ANGPTL3: variants seen among roughly 807,000 people sequenced by gnomAD.
The protein encoded by ANGPTL3 is angiopoietin-related protein 3.
Under a neutral mutation model 52.7 loss-of-function variants are expected in ANGPTL3, and 51 were observed. That is an observed-to-expected ratio of 0.97 (90% CI 0.77 to 1.22). The LOEUF is 1.22. Ranked by LOEUF, ANGPTL3 falls within the 50% of genes most tolerant of loss-of-function variation. The pLI is 0.00. For synonymous variants in ANGPTL3, 185 were observed against 179.8 expected, an observed-to-expected ratio of 1.03 and a Z score of -0.23; for missense variants, 506 against 520.7, an observed-to-expected ratio of 0.97 and a Z score of 0.27.
At chr1:62,598,871 A>C (rs1184316977) in intron 2 of ANGPTL3, 65 bp downstream of exon 2, 1 of 966,710 alleles carries the variant, frequency 1.0e-6, no homozygotes, top group African/African-American at 1.6e-5. Context: ...CTGAATCCTA[A>C]AATTATTTAC....
intron 3 of ANGPTL3, 72 bp downstream of exon 3, chr1:62,601,268 G>C: frequency 9.4e-7 from 1 of 1,066,240 alleles, no homozygotes; most frequent in Non-Finnish European, 1.4e-6. Flanking sequence ...ACTTGTTCTA[G>C]ACTAAAAGAT....
chr1:62,598,617 A>C, intron 1 of ANGPTL3, 79 bp from the exon 2 acceptor site: 1 of 776,880 alleles, frequency 1.3e-6, no homozygotes, highest in South Asian at 1.5e-5. Context: ...TTAAAAATTT[A>C]GATTATGATA....
rs1650549672 is a variant in ANGPTL3, at chr1:62,604,005, T to C, written c.968T>C (p.Ile323Thr). Residue 323 changes from isoleucine to threonine, a missense_variant, in exon 6 of 7, where the codon ATA (isoleucine) becomes ACA (threonine). Physicochemically the swap from Ile to Thr is moderately conservative, Grantham distance 89 (BLOSUM62 -1). Coordinates refer to ENST00000371129, the MANE Select transcript of ANGPTL3 (RefSeq NM_014495.4). ...FWLGLEKIYSIVKQSNYVLRI... is the reference protein window; with the variant it reads ...FWLGLEKIYSTVKQSNYVLRI... ...TTGGGCCTAGAGAAGATATACTCCA[T>C]AGTGAAGCAATCTAATTATGTTTTA... The C allele has an allele frequency of 3.7e-6, 6 of 1,612,944 alleles. No individual in the cohort carries two copies. In the African/African-American group the frequency reaches 6.7e-5, roughly 18 times the overall value.
chr1:62,599,288 C>CA (rs1398721747), intron 2 of ANGPTL3, among the ~76,000 whole-genome samples: 4 of 152,020 alleles, frequency 2.6e-5, no homozygotes, highest in Non-Finnish European at 5.9e-5. Flanking sequence ...TCAAACACAT[C>CA]AAACATACTG....
In ANGPTL3 at chr1:62,597,684, T is replaced by C. The variant is rs2149525287; in HGVS notation, c.118T>C (p.Leu40=). 4.3e-6 allele frequency: 7 copies of C among 1,613,570 alleles called. No homozygotes were observed. Among genetic ancestry groups the C allele is most frequent in the East Asian group, 2.2e-5 (1 of 44,834 alleles). ...SPEPKSRFAM[L]DDVKILANGL... ...AGAGCCAAAATCAAGATTTGCTATG[T>C]TAGACGATGTAAAAATTTTAGCCAA... is the stretch of plus-strand genomic sequence containing the variant. The change falls in exon 1 of 7, where the codon TTA becomes CTA. Residue 40 remains leucine (L), a synonymous_variant. Transcript: ENST00000371129.
Position 62,598,769 on chromosome 1 carries a change from A to T in ANGPTL3, c.569A>T (p.Asn190Ile). ...GTGGAAGACCAATATAAACAATTAAACCAACAGCATAGTCAAATAAAAGAA... is the reference window on the plus strand; with the variant it reads ...GTGGAAGACCAATATAAACAATTAATCCAACAGCATAGTCAAATAAAAGAA... ...QTVEDQYKQL[N>I]QQHSQIKEIE... is the part of the protein sequence containing the mutation. The change falls in exon 2 of 7, where the codon AAC becomes ATC. Residue 190 changes from asparagine (N) to isoleucine (I), a missense_variant. Physicochemically the swap from Asn to Ile is moderately radical, Grantham distance 149 (BLOSUM62 -3). Coordinates refer to ENST00000371129, the MANE Select transcript of ANGPTL3 (RefSeq NM_014495.4). 4.3e-6 allele frequency: 7 copies of T among 1,609,498 alleles called. No homozygotes were observed. Among genetic ancestry groups the T allele is most frequent in the Non-Finnish European group, 6.0e-6 (7 of 1,176,294 alleles).
At chr1:62,599,297 T>G (rs1649759807) in intron 2 of ANGPTL3, among the ~76,000 whole-genome samples, 1 of 152,028 alleles carries the variant, frequency 6.6e-6, no homozygotes, top group Admixed American at 6.6e-5. Context: ...TCAAACATAC[T>G]GCCACCTCAA....
chr1:62,601,826 ATGCC>A lies in ANGPTL3; in HGVS notation c.780_783del (p.Tyr260Ter), dbSNP rs1650166457. On this transcript the variant is annotated frameshift_variant, in exon 4 of 7. Transcript: ENST00000371129. LOFTEE classifies it high-confidence loss of function. The stretch of plus-strand genomic sequence containing the variant: ...AGAGGTGAACATACAAGTGGCATGT[ATGCC>A]ATCAGACCCAGCAACTCTCAAGTTT... The A allele has an allele frequency of 6.2e-7, 1 of 1,610,328 alleles. No homozygotes were observed. Among genetic ancestry groups the A allele is most frequent in the African/African-American group, 1.3e-5 (1 of 74,772 alleles).
rs398122988 is a variant in ANGPTL3 at position 62,597,921 on chromosome 1, GAACTC to G, written c.363_367del (p.Asn121LysfsTer3). ...TGAAGAGGTAAAGAATATGTCACTTGAACTCAACTCAAAACTTGAAAGCCTCCTAG... is the reference window on the plus strand; with the variant it reads ...TGAAGAGGTAAAGAATATGTCACTTGAACTCAAAACTTGAAAGCCTCCTAG... On this transcript the variant is annotated frameshift_variant, in exon 1 of 7. Transcript: ENST00000371129. LOFTEE classifies it high-confidence loss of function. 4.3e-4 allele frequency: 675 copies of G among 1,552,802 alleles called. No homozygotes were observed. The highest frequency in any genetic ancestry group is 5.4e-4 in the Non-Finnish European group (625 of 1,157,050).
At chr1:62,602,624 C>A (rs569040007) in intron 5 of ANGPTL3, among the ~76,000 whole-genome samples, 210 of 151,708 alleles carry the variant, frequency 1.4e-3, no homozygotes, top group Middle Eastern at 6.8e-3. Flanking sequence ...CAATTTAATT[C>A]CACGGCTTAC....
chr1:62,601,880 C>G lies in ANGPTL3; in HGVS notation c.833C>G (p.Ser278Ter). Residue 278 changes from serine (S) to a stop codon, truncating the protein, a stop_gained and splice_region_variant, in exon 4 of 7, where the codon TCA (serine) becomes TGA (stop). Coordinates refer to ENST00000371129, the MANE Select transcript of ANGPTL3 (RefSeq NM_014495.4). LOFTEE classifies it high-confidence loss of function. ...QVFHVYCDVI[S>*]GSPWTLIQHR... ...TTTCATGTCTACTGTGATGTTATAT[C>G]AGGTAAAACCTGTCTAAGGAGAATA... 3.8e-6 allele frequency: 6 copies of G among 1,593,704 alleles called. No homozygotes were observed. The highest frequency in any genetic ancestry group is 5.2e-6 in the Non-Finnish European group (6 of 1,162,800).
rs1650293076 is a variant in ANGPTL3, at chr1:62,602,454, G to C, written c.931+74G>C. 20 of 1,328,758 alleles carry C rather than the reference G, an allele frequency of 1.5e-5. No individual in the cohort carries two copies. The South Asian group carries it at 2.4e-4, about 16-fold the overall frequency. The allele number at this position is 1,328,758 out of a possible 1,614,324, so 82.3% of individuals were successfully genotyped here. On this transcript the variant is annotated intron_variant, in intron 5 of 6. Coordinates refer to ENST00000371129, the MANE Select transcript of ANGPTL3 (RefSeq NM_014495.4). ...TTTACTGAGAACCTCTTATGGACCA[G>C]GTATTAGGAAAAGTAGTAACGAACG...
chr1:62,598,902 G>A lies in ANGPTL3; in HGVS notation c.606+96G>A, dbSNP rs1022313444. On this transcript the variant is annotated intron_variant, in intron 2 of 6. Transcript: ENST00000371129. ...TTTACAAGCTTTAACTGGATCATGAGTAAAATTATCACATCAGCATAACTG... is the reference window on the plus strand; with the variant it reads ...TTTACAAGCTTTAACTGGATCATGAATAAAATTATCACATCAGCATAACTG... The A allele has an allele frequency of 7.7e-6, 6 of 780,010 alleles. No homozygotes were observed. The African/African-American group carries it at 1.0e-4, about 14-fold the overall frequency. The allele number at this position is 780,010 out of a possible 1,614,324, so 48.3% of individuals were successfully genotyped here.
intron 6 of ANGPTL3, 190 bp downstream of exon 6, chr1:62,604,425 T>C (rs1158280673): frequency 4.4e-5 from 39 of 882,902 alleles, no homozygotes; most frequent in Non-Finnish European, 6.0e-5. Context: ...CCTCTAATCT[T>C]CCTCAGATTT....
chr1:62,604,948 C>T lies in ANGPTL3; in HGVS notation c.*131C>T. 1.1e-6 allele frequency: 1 copy of T among 903,162 alleles called. No individual in the cohort carries two copies. Among genetic ancestry groups the T allele is most frequent in the Non-Finnish European group, 1.7e-6 (1 of 582,274 alleles). 55.9% of individuals were successfully genotyped at this position (903,162 alleles called of 1,614,324 possible). ...ATTTTTTTTATCTTAAAGTCACTGT[C>T]TATTTAAGATTAAACATACAATCAC... On this transcript the variant is annotated 3_prime_UTR_variant, in exon 7 of 7. Transcript: ENST00000371129.
intron 6 of ANGPTL3, 99 bp downstream of exon 6, chr1:62,604,334 TC>T: frequency 6.9e-7 from 1 of 1,454,600 alleles, no homozygotes; most frequent in East Asian, 2.3e-5. Context: ...AAAATCCGAA[TC>T]CCAAATAAGC....
chr1:62,597,553 A>C lies in ANGPTL3; in HGVS notation c.-14A>C, dbSNP rs10449755. 7.7e-4 allele frequency: 1,234 copies of C among 1,612,086 alleles called. 8 individuals are homozygous for C. In the African/African-American group the frequency reaches 0.013, roughly 17 times the overall value. The stretch of plus-strand genomic sequence containing the variant: ...ACAGTTCCACGTTGCTTGAAATTGA[A>C]AATCAAGATAAAAATGTTCACAATT... On this transcript the variant is annotated 5_prime_UTR_variant, in exon 1 of 7. Coordinates refer to ENST00000371129, the MANE Select transcript of ANGPTL3 (RefSeq NM_014495.4).
chr1:62,598,798 GA>G lies in ANGPTL3; in HGVS notation c.602del (p.Asn201IlefsTer31), dbSNP rs1649679339. ...ACAGCATAGTCAAATAAAAGAAATA[GA>G]AAATCAGGTAAGTCAGTATTTTAAT... Reference protein sequence around the residue: ...NQQHSQIKEIENQLRRTSIQE... With the variant: ...NQQHSQIKEIXNQLRRTSIQE... On this transcript the variant is annotated frameshift_variant, in exon 2 of 7. Coordinates refer to ENST00000371129, the MANE Select transcript of ANGPTL3 (RefSeq NM_014495.4). LOFTEE classifies it high-confidence loss of function. 1.3e-6 allele frequency: 2 copies of G among 1,584,546 alleles called. No homozygotes were observed. Among genetic ancestry groups the G allele is most frequent in the African/African-American group, 2.7e-5 (2 of 74,146 alleles).
In ANGPTL3 at chr1:62,604,920, T is replaced by TA; in HGVS notation, c.*104dup. On this transcript the variant is annotated 3_prime_UTR_variant, in exon 7 of 7. Coordinates refer to ENST00000371129, the MANE Select transcript of ANGPTL3 (RefSeq NM_014495.4). ...AATCCTTAAGAGAAAGCTTGAGAAA[T>TA]AGATTTTTTTTATCTTAAAGTCACT... 3 of 1,248,756 alleles carry TA rather than the reference T, an allele frequency of 2.4e-6. No homozygotes were observed. The highest frequency in any genetic ancestry group is 2.6e-5 in the South Asian group (2 of 77,810). 77.4% of individuals were successfully genotyped at this position (1,248,756 alleles called of 1,614,324 possible).
Sources: gnomAD v4.1 joint callset for allele counts (sites outside exome capture counted in the v4.1 genomes callset) on GRCh38, gnomAD v4.1.1 for gene constraint, MANE v1.5 for transcripts, NCBI Gene and HGNC (gene_info 2026-07-23, HGNC 2026-07-21) for gene names.